Variants in KLF7 observed in about 807,000 individuals in gnomAD.
The protein encoded by KLF7 is Krueppel-like factor 7.
Under a neutral mutation model 27.3 loss-of-function variants are expected in KLF7, and 2 were observed. The observed-to-expected ratio is 0.07, with a 90% CI of 0.03 to 0.23. The LOEUF is 0.23. KLF7 is among the 10% of genes least tolerant of loss of function. The probability of loss-of-function intolerance (pLI) is 1.00; values close to 1 mark genes in which losing one functional copy is unlikely to be tolerated. For synonymous variants in KLF7, 165 were observed against 162.4 expected (o/e 1.02, Z -0.12); for missense variants, 221 against 394.1 (o/e 0.56, Z 3.72).
At position 207,165,482 on chromosome 2, in the gene KLF7, C is replaced by T. The variant is rs2078681334; in HGVS notation, c.87G>A (p.Glu29=). 1 of 1,614,032 alleles carries T rather than the reference C, an allele frequency of 6.2e-7. No homozygotes were observed. Among genetic ancestry groups the T allele is most frequent in the African/African-American group, 1.3e-5 (1 of 74,912 alleles). ...AATCATTCACCTGCTGCCAGGTCTC[C>T]TCCAGGGATGGTAAAGCTGAGAAGT... ...TGYFSALPSL[E]ETWQQTCLEL... Residue 29 remains glutamate, a synonymous_variant, in exon 1 of 4, where the codon GAG becomes GAA. Transcript: ENST00000309446.
At chr2:207,114,889 G>A (rs2077137094) in intron 2 of KLF7, among the ~76,000 whole-genome samples, 1 of 152,054 alleles carries the variant, frequency 6.6e-6, no homozygotes, top group Non-Finnish European at 1.5e-5. Flanking sequence ...ATAAAACTAT[G>A]CAGACCCAAC....
chr2:207,154,656 T>C (rs2078332754), intron 1 of KLF7, among the ~76,000 whole-genome samples: 1 of 152,140 alleles, frequency 6.6e-6, no homozygotes, highest in East Asian at 1.9e-4. Flanking sequence ...ATTGTGCCTC[T>C]GTGTATTATT....
chr2:207,170,906 G>C (rs749784875), upstream of KLF7, among the ~76,000 whole-genome samples: 2 of 151,862 alleles, frequency 1.3e-5, no homozygotes, highest in Non-Finnish European at 2.9e-5. Context: ...CCATTATGCA[G>C]CCTGTGGATC....
intron 2 of KLF7, among the ~76,000 whole-genome samples, chr2:207,103,159 C>G (rs558025981): frequency 1.3e-4 from 20 of 152,294 alleles, no homozygotes; most frequent in Admixed American, 1.2e-3. Flanking sequence ...AACTCCTGAC[C>G]TCAGGTGATC....
In KLF7 at chr2:207,124,413, G is replaced by C. The variant is rs2077424412; in HGVS notation, c.103-9C>G. ...TCCAATTCAAGGCATGTCTGCAAGA[G>C]GAAGAAGGAGGGAGAGAAACAGCCA... On this transcript the variant is annotated splice_polypyrimidine_tract_variant and intron_variant, in intron 1 of 3. Coordinates refer to ENST00000309446, the MANE Select transcript of KLF7 (RefSeq NM_003709.4). The C allele has an allele frequency of 6.5e-7, 1 of 1,540,684 alleles. No homozygotes were observed. Among genetic ancestry groups the C allele is most frequent in the Non-Finnish European group, 8.8e-7 (1 of 1,141,126 alleles).
At chr2:207,122,641 T>C (rs2077369293) in intron 2 of KLF7, among the ~76,000 whole-genome samples, 1 of 152,114 alleles carries the variant, frequency 6.6e-6, no homozygotes, top group African/African-American at 2.4e-5. Context: ...AAGCCCAGGT[T>C]GTTCTGATTT....
At chr2:207,086,943 G>A (rs145338891) in intron 3 of KLF7, among the ~76,000 whole-genome samples, 682 of 152,304 alleles carry the variant, frequency 4.5e-3, no homozygotes, top group Middle Eastern at 0.01. Flanking sequence ...AAAAGACTAT[G>A]GACAGAGAGT....
chr2:207,138,952 C>T (rs6728870), intron 1 of KLF7, among the ~76,000 whole-genome samples: 5,259 of 152,238 alleles, frequency 0.035, 135 homozygotes, highest in Middle Eastern at 0.1. Context: ...TTCTTCCTTG[C>T]GTGTGCTTTT....
At chr2:207,114,502 T>C (rs981467225) in intron 2 of KLF7, among the ~76,000 whole-genome samples, 1 of 152,196 alleles carries the variant, frequency 6.6e-6, no homozygotes, top group African/African-American at 2.4e-5. Context: ...TGCACAGTTA[T>C]TCTAAAATAT....
At chr2:207,143,197 G>C (rs1450376432) in intron 1 of KLF7, among the ~76,000 whole-genome samples, 1 of 152,058 alleles carries the variant, frequency 6.6e-6, no homozygotes, top group African/African-American at 2.4e-5. Context: ...AATGCCACTG[G>C]ATTAAGCACA....
upstream of KLF7, chr2:207,166,193 G>C: frequency 1.0e-6 from 1 of 985,702 alleles, no homozygotes; most frequent in African/African-American, 1.7e-5. Context: ...GTGTGACCAT[G>C]TAAGGTAAAC....
At chr2:207,090,302 G>C (rs769246424) in intron 2 of KLF7, among the ~76,000 whole-genome samples, 1 of 152,206 alleles carries the variant, frequency 6.6e-6, no homozygotes, top group Non-Finnish European at 1.5e-5. Context: ...TAAGCCAAAA[G>C]TTTAGAAAAG....
At chr2:207,087,056 C>G (rs2076405025) in intron 3 of KLF7, among the ~76,000 whole-genome samples, 1 of 152,212 alleles carries the variant, frequency 6.6e-6, no homozygotes, top group African/African-American at 2.4e-5. Flanking sequence ...AGAAACTCTC[C>G]TGGAGCATAC....
intron 1 of KLF7, among the ~76,000 whole-genome samples, chr2:207,152,462 G>C (rs1327248704): frequency 1.3e-5 from 2 of 152,200 alleles, no homozygotes; most frequent in Non-Finnish European, 2.9e-5. Flanking sequence ...CCAAGAGGCT[G>C]CATGCTCAGG....
At chr2:207,134,154 A>ACTTTTTT in intron 1 of KLF7, 1 of 1,141,046 alleles carries the variant, frequency 8.8e-7, no homozygotes, top group Non-Finnish European at 1.1e-6. Context: ...GGCTACTGGG[A>ACTTTTTT]TTTTTTTTTT....
At chr2:207,166,706 G>T (rs1235162676), upstream of KLF7, 2 of 752,140 alleles carry the variant, frequency 2.7e-6, no homozygotes, top group Non-Finnish European at 3.2e-6. Context: ...CCTCCGCCTG[G>T]GCACGGGGCA....
intron 3 of KLF7, among the ~76,000 whole-genome samples, chr2:207,085,603 C>T (rs1244846275): frequency 6.6e-6 from 1 of 152,210 alleles, no homozygotes; most frequent in Non-Finnish European, 1.5e-5. Context: ...TCACAAAACC[C>T]AGTGTCTGCA....
At chr2:207,094,825 T>C (rs2076588377) in intron 2 of KLF7, among the ~76,000 whole-genome samples, 1 of 152,110 alleles carries the variant, frequency 6.6e-6, no homozygotes, top group Non-Finnish European at 1.5e-5. Context: ...GCGTATCTGA[T>C]TGATGGAAAA....
chr2:207,157,219 T>TAAAAAAAAAAAAAAAAAAAAACAAAAAAA (rs2078408689), intron 1 of KLF7, among the ~76,000 whole-genome samples: 1 of 87,312 alleles, frequency 1.1e-5, no homozygotes, highest in Admixed American at 1.3e-4. Flanking sequence ...AACAGAAAAG[T>TAAAAAAAAAAAAAAAAAAAAACAAAAAAA]AAAAAAAAAA....
Sources: gnomAD v4.1 joint callset for allele counts (sites outside exome capture counted in the v4.1 genomes callset) on GRCh38, gnomAD v4.1.1 for gene constraint, MANE v1.5 for transcripts, NCBI Gene and HGNC (gene_info 2026-07-23, HGNC 2026-07-21) for gene names.